The following CACNA1C variants were observed in gnomAD, a reference collection of about 807,000 sequenced individuals.
CACNA1C encodes voltage-dependent L-type calcium channel subunit alpha-1C.
CACNA1C carries 30 observed loss-of-function variants against 229.0 expected under a neutral mutation model. The observed-to-expected ratio is 0.13, with a 90% CI of 0.10 to 0.18. CACNA1C has a LOEUF of 0.18. Ranked by LOEUF, CACNA1C falls within the 10% of genes least tolerant of loss-of-function variation. The probability of loss-of-function intolerance (pLI) is 1.00; values close to 1 mark genes in which losing one functional copy is unlikely to be tolerated. For synonymous variants in CACNA1C, 1,114 were observed against 1,132.5 expected, an observed-to-expected ratio of 0.98 and a Z score of 0.33; for missense variants, 1,658 against 2,845.0, an observed-to-expected ratio of 0.58 and a Z score of 9.49.
chr12:2,690,752 C>A, intron 46 of CACNA1C, 148 bp from the exon 47 acceptor site: 1 of 740,622 alleles, frequency 1.4e-6, no homozygotes, highest in Non-Finnish European at 2.1e-6. Flanking sequence ...ATGGGTGCCC[C>A]TCCCAACACA....
intron 10 of CACNA1C, 100 bp downstream of exon 10, chr12:2,550,133 G>A (rs371365319): frequency 2.9e-5 from 25 of 865,124 alleles, no homozygotes; most frequent in East Asian, 2.1e-4. Flanking sequence ...TCACTAGGAA[G>A]GGCAGAGATT....
chr12:2,296,894 T>G (rs773425550), intron 3 of CACNA1C, among the ~76,000 whole-genome samples: 16 of 152,222 alleles, frequency 1.1e-4, no homozygotes, highest in Non-Finnish European at 1.5e-4. Context: ...GAGAAAACTT[T>G]ACCTGGCTAA....
chr12:2,158,493 C>A (rs2095662079), intron 3 of CACNA1C, among the ~76,000 whole-genome samples: 1 of 151,944 alleles, frequency 6.6e-6, no homozygotes, highest in Non-Finnish European at 1.5e-5. Context: ...GGGAGGATTG[C>A]TTGAGCCTGG....
intron 3 of CACNA1C, among the ~76,000 whole-genome samples, chr12:2,274,363 T>G (rs566057180): frequency 1.3e-5 from 2 of 152,284 alleles, no homozygotes; most frequent in East Asian, 3.9e-4. Flanking sequence ...CTTCAGGTAA[T>G]AGGGGAAGCA....
chr12:2,064,735 C>T (rs573428535), intron 1 of CACNA1C, among the ~76,000 whole-genome samples: 1 of 152,072 alleles, frequency 6.6e-6, no homozygotes, highest in Admixed American at 6.6e-5. Flanking sequence ...GATTGATGCC[C>T]CAGTTAAATG....
intron 3 of CACNA1C, among the ~76,000 whole-genome samples, chr12:2,246,902 G>A (rs1474198524): frequency 1.3e-5 from 2 of 152,064 alleles, no homozygotes; most frequent in East Asian, 1.9e-4. Flanking sequence ...CATGCATAGC[G>A]GCTGCATCCC....
At chr12:2,130,256 A>G (rs1003862758) in intron 3 of CACNA1C, among the ~76,000 whole-genome samples, 49 of 146,032 alleles carry the variant, frequency 3.4e-4, no homozygotes, top group African/African-American at 1.2e-3. Context: ...CTTATTAACC[A>G]GCTTTGCGTT....
chr12:2,643,831 C>A (rs1377734161), intron 30 of CACNA1C, among the ~76,000 whole-genome samples: 1 of 152,176 alleles, frequency 6.6e-6, no homozygotes, highest in Non-Finnish European at 1.5e-5. Context: ...AGCCTGACCA[C>A]CTCCTCCCAA....
chr12:2,402,256 G>C (rs2098688873), intron 3 of CACNA1C, among the ~76,000 whole-genome samples: 1 of 152,242 alleles, frequency 6.6e-6, no homozygotes, highest in African/African-American at 2.4e-5. Context: ...TTAATATTAT[G>C]CTTCTCCTCT....
At position 2,387,468 on chromosome 12, in the gene CACNA1C, G is replaced by A. The variant is rs186566996; in HGVS notation, c.478-61508G>A. Among the ~76,000 whole-genome samples, 269 of 152,006 alleles carry A rather than the reference G, an allele frequency of 1.8e-3. 2 individuals are homozygous for A. Among genetic ancestry groups the A allele is most frequent in the African/African-American group, 6.3e-3 (262 of 41,400 alleles). The stretch of plus-strand genomic sequence containing the variant: ...CCACGGCACTCCAGCCTGGGCGACA[G>A]ATCAAGACTCCATCTCAAAAAGAAA... On this transcript the variant is annotated intron_variant, in intron 3 of 46. Transcript: ENST00000399655.
chr12:2,511,249 C>T (rs765399609), intron 8 of CACNA1C, among the ~76,000 whole-genome samples: 2 of 152,196 alleles, frequency 1.3e-5, no homozygotes, highest in Non-Finnish European at 2.9e-5. Flanking sequence ...TAGGCCCCAC[C>T]CCAGCCCCAA....
Position 2,690,962 on chromosome 12 carries a change from C to T in CACNA1C, c.6180C>T (p.Thr2060=). The T allele has an allele frequency of 6.3e-7, 1 of 1,599,308 alleles. No homozygotes were observed. The highest frequency in any genetic ancestry group is 8.5e-7 in the Non-Finnish European group (1 of 1,172,692). ...ATCCCAAGTTCATCGAGGTCACCAC[C>T]CAGGAGCTGGCCGACGCCTGCGACA... ...AQDPKFIEVT[T]QELADACDMT... is the part of the protein sequence containing the mutation. Residue 2060 remains threonine (T), a synonymous_variant, in exon 47 of 47, where the codon ACC becomes ACT. Coordinates refer to ENST00000399655, the MANE Select transcript of CACNA1C (RefSeq NM_000719.7).
intron 28 of CACNA1C, 131 bp from the exon 29 acceptor site, chr12:2,611,772 C>A: frequency 1.6e-6 from 1 of 612,070 alleles, no homozygotes; most frequent in Non-Finnish European, 2.9e-6. Context: ...GAGAGGTGGG[C>A]GGCCCTCTGG....
At chr12:2,489,640 A>G (rs1477477661) in intron 6 of CACNA1C, among the ~76,000 whole-genome samples, 1 of 152,216 alleles carries the variant, frequency 6.6e-6, no homozygotes, top group East Asian at 1.9e-4. Context: ...AATCATCTTC[A>G]TTCTATTTAC....
intron 3 of CACNA1C, among the ~76,000 whole-genome samples, chr12:2,246,633 C>T (rs1474416146): frequency 2.6e-5 from 4 of 152,074 alleles, no homozygotes; most frequent in South Asian, 2.1e-4. Context: ...CGTCAGGTCC[C>T]GTGAGTCGCG....
At position 2,586,104 on chromosome 12, in the gene CACNA1C, C is replaced by T. The variant is rs367758779; in HGVS notation, c.2530+200C>T. ...GGGAGGCAGGTTTGTTTCTGGTTTC[C>T]TCATAATGAGATCACATTTGAGCAG... On this transcript the variant is annotated intron_variant, in intron 18 of 46. Transcript: ENST00000399655. Among the ~76,000 whole-genome samples the T allele has an allele frequency of 4.6e-5, 7 of 152,292 alleles. 1 individual carries two copies. Among genetic ancestry groups the T allele is most frequent in the South Asian group, 2.1e-4 (1 of 4,816 alleles).
At chr12:2,408,145 G>A (rs955089183) in intron 3 of CACNA1C, among the ~76,000 whole-genome samples, 1 of 152,182 alleles carries the variant, frequency 6.6e-6, no homozygotes, top group Admixed American at 6.5e-5. Flanking sequence ...AGACACAAAA[G>A]AACAAATATT....
chr12:2,218,974 G>A (rs1481781427), intron 3 of CACNA1C, among the ~76,000 whole-genome samples: 1 of 152,184 alleles, frequency 6.6e-6, no homozygotes, highest in African/African-American at 2.4e-5. Context: ...ACAGGAATGG[G>A]AAACTGTCAG....
chr12:2,512,337 G>A lies in CACNA1C; in HGVS notation c.1218-475G>A, dbSNP rs1477109410. Among the ~76,000 whole-genome samples the A allele has an allele frequency of 6.6e-6, 1 of 152,104 alleles. No homozygotes were observed. The highest frequency in any genetic ancestry group is 2.4e-5 in the African/African-American group (1 of 41,412). On this transcript the variant is annotated intron_variant, in intron 8 of 46. Coordinates refer to ENST00000399655, the MANE Select transcript of CACNA1C (RefSeq NM_000719.7). This position sits in a 1 kb window ranked among gnomAD's most constrained non-coding sequence, Gnocchi z 4.3. ...ACCTGGGGCGAGTGAGTGGGCTTTG[G>A]TACACTGCCGGTCCTAAAACCTTGT...
Sources: allele counts gnomAD v4.1 joint callset (sites outside exome capture counted in the v4.1 genomes callset), GRCh38; gene constraint gnomAD v4.1.1; non-coding constraint Gnocchi (gnomAD v3.1); transcripts MANE v1.5; gene names NCBI Gene and HGNC (gene_info 2026-07-23, HGNC 2026-07-21).